RAP1GDS1: variants seen among roughly 807,000 people sequenced by gnomAD.
RAP1GDS1 encodes the protein RAP1, GTP-GDP dissociation stimulator 1.
Under a neutral mutation model 71.1 loss-of-function variants are expected in RAP1GDS1, and 35 were observed. The ratio of observed to expected loss-of-function variants is 0.49; its 90% CI spans 0.38 to 0.65. RAP1GDS1 has a LOEUF of 0.65. Ranked by LOEUF, RAP1GDS1 falls within the 30% of genes least tolerant of loss-of-function variation. The pLI is 0.00. For synonymous variants in RAP1GDS1, 229 were observed against 243.1 expected (o/e 0.94, Z 0.54); for missense variants, 663 against 706.1 (o/e 0.94, Z 0.69).
chr4:98,393,016 C>T (rs9998801), intron 6 of RAP1GDS1, among the ~76,000 whole-genome samples: 8,771 of 152,136 alleles, frequency 0.058, 643 homozygotes, highest in African/African-American at 0.17. Context: ...TTCTTCCCCA[C>T]GCCCCCACCT....
chr4:98,373,796 C>G (rs1740755572), intron 4 of RAP1GDS1, among the ~76,000 whole-genome samples: 1 of 152,130 alleles, frequency 6.6e-6, no homozygotes, highest in East Asian at 1.9e-4. Flanking sequence ...ACAGTTATAG[C>G]CATATGTCAG....
chr4:98,366,345 G>C (rs943773069), intron 4 of RAP1GDS1, among the ~76,000 whole-genome samples: 3 of 152,158 alleles, frequency 2.0e-5, no homozygotes, highest in Non-Finnish European at 4.4e-5. Context: ...CCATGATTGT[G>C]AGGCTTTCCC....
chr4:98,344,929 A>G (rs1414779756), intron 3 of RAP1GDS1, among the ~76,000 whole-genome samples: 1 of 152,166 alleles, frequency 6.6e-6, no homozygotes, highest in Admixed American at 6.5e-5. Context: ...GGGTCAAGCA[A>G]TCCTCCTATC....
chr4:98,414,653 G>A (rs1747639829), intron 7 of RAP1GDS1, among the ~76,000 whole-genome samples: 1 of 149,878 alleles, frequency 6.7e-6, no homozygotes, highest in South Asian at 2.1e-4. Context: ...GTAGTGTGAT[G>A]CCTCCAGCTT....
At chr4:98,415,923 A>G (rs1005780213) in intron 7 of RAP1GDS1, among the ~76,000 whole-genome samples, 4 of 152,122 alleles carry the variant, frequency 2.6e-5, no homozygotes, top group African/African-American at 7.2e-5. Context: ...TTATTTATTT[A>G]TTTAATTTTT....
At chr4:98,417,985 CA>C (rs1366841121) in intron 9 of RAP1GDS1, among the ~76,000 whole-genome samples, 1 of 152,020 alleles carries the variant, frequency 6.6e-6, no homozygotes, top group East Asian at 1.9e-4. Context: ...CTGGCACTAC[CA>C]AAAAACTCAA....
At chr4:98,388,938 ATGT>A (rs1175673821) in intron 5 of RAP1GDS1, among the ~76,000 whole-genome samples, 5 of 141,272 alleles carry the variant, frequency 3.5e-5, no homozygotes, top group East Asian at 1.9e-4. Context: ...AACCTATTAT[ATGT>A]TAACAGAAAT....
intron 2 of RAP1GDS1, among the ~76,000 whole-genome samples, chr4:98,320,313 T>C (rs1731625333): frequency 6.6e-6 from 1 of 152,180 alleles, no homozygotes; most frequent in South Asian, 2.1e-4. Context: ...CTAAAGTATG[T>C]TTCTCTTTTT....
rs1743875027 is a variant in RAP1GDS1 at position 98,392,579 on chromosome 4, TA to T, written c.637+500del. On this transcript the variant is annotated intron_variant, in intron 6 of 14. Coordinates refer to ENST00000408927, the MANE Select transcript of RAP1GDS1 (RefSeq NM_001100427.2). The stretch of plus-strand genomic sequence containing the variant: ...AGCTGGGTGTGGTGGCTAGTGCCAG[TA>T]GTCCTAGCTACTCAGGAGACCGAGG... 7.9e-5 allele frequency among the ~76,000 whole-genome samples: 12 copies of T among 152,268 alleles called. No homozygotes were observed. In the South Asian group the frequency reaches 2.5e-3, roughly 32 times the overall value.
At chr4:98,433,892 G>A in intron 12 of RAP1GDS1, 44 bp from the exon 13 acceptor site, 1 of 1,543,200 alleles carries the variant, frequency 6.5e-7, no homozygotes, top group Non-Finnish European at 8.9e-7. Flanking sequence ...TGTTCCTTAT[G>A]TTTAAAATTA....
chr4:98,296,684 G>A (rs957717673), intron 2 of RAP1GDS1, among the ~76,000 whole-genome samples: 1 of 152,090 alleles, frequency 6.6e-6, no homozygotes, highest in Non-Finnish European at 1.5e-5. Flanking sequence ...AAGATTCTCA[G>A]TAAATGCTTA....
intron 5 of RAP1GDS1, among the ~76,000 whole-genome samples, chr4:98,389,528 T>C (rs552456729): frequency 1.3e-4 from 20 of 152,260 alleles, no homozygotes; most frequent in Middle Eastern, 6.8e-3. Flanking sequence ...GTGTGTTGTA[T>C]GTGAGTATAT....
intron 2 of RAP1GDS1, among the ~76,000 whole-genome samples, chr4:98,324,916 C>G (rs1423791370): frequency 4.6e-5 from 7 of 152,238 alleles, no homozygotes; most frequent in African/African-American, 9.6e-5. Flanking sequence ...CCAAAATTGA[C>G]AAATGGGATC....
intron 4 of RAP1GDS1, among the ~76,000 whole-genome samples, chr4:98,357,740 A>G (rs1304213935): frequency 3.9e-5 from 6 of 151,944 alleles, no homozygotes; most frequent in African/African-American, 1.4e-4. Context: ...TTGTTTACAA[A>G]TTAATATAAT....
In RAP1GDS1 at chr4:98,436,828, T is replaced by C. The variant is rs6856592; in HGVS notation, c.1568-112T>C. On this transcript the variant is annotated intron_variant, in intron 13 of 14. Transcript: ENST00000408927. ...TATTATTTTTCTAGGTCATTATTAT[T>C]TATCAGTTCCATTTAGAAGGTTTCG... 1,237 of 1,034,692 alleles carry C rather than the reference T, an allele frequency of 1.2e-3. 6 individuals are homozygous for C. The African/African-American group carries it at 0.018, about 15-fold the overall frequency. 64.1% of individuals were successfully genotyped at this position (1,034,692 alleles called of 1,614,324 possible). A position where few individuals can be genotyped will look rare whatever the true frequency, so the allele number is the denominator to read the frequency against.
intron 2 of RAP1GDS1, among the ~76,000 whole-genome samples, chr4:98,331,786 A>G (rs146265060): frequency 7.2e-4 from 110 of 152,318 alleles, no homozygotes; most frequent in Non-Finnish European, 1.3e-3. Context: ...AAAAAATCTT[A>G]ATTTAGAATT....
chr4:98,288,151 A>G lies in RAP1GDS1; in HGVS notation c.5-5257A>G, dbSNP rs544865669. Reference sequence around the variant, plus strand: ...ACCCATTAACTCGTCATTTAACAATAGGTATATCTCCTAATGCTATCCCTC... The same window carrying G: ...ACCCATTAACTCGTCATTTAACAATGGGTATATCTCCTAATGCTATCCCTC... On this transcript the variant is annotated intron_variant, in intron 1 of 14. Transcript: ENST00000408927. Among the ~76,000 whole-genome samples, 3 of 152,206 alleles carry G rather than the reference A, an allele frequency of 2.0e-5. No individual in the cohort carries two copies. In the South Asian group the frequency reaches 6.2e-4, roughly 32 times the overall value.
intron 2 of RAP1GDS1, among the ~76,000 whole-genome samples, chr4:98,323,287 A>G (rs975297977): frequency 2.0e-5 from 3 of 147,344 alleles, no homozygotes; most frequent in Admixed American, 2.0e-4. Context: ...TCAATAGTTT[A>G]CCAACCAAAA....
chr4:98,387,403 A>G (rs1023501538), intron 5 of RAP1GDS1: 6 of 454,346 alleles, frequency 1.3e-5, no homozygotes, highest in Middle Eastern at 3.2e-4. Context: ...CTCAGGGGGG[A>G]AAAGGTTCCT....
Sources: gnomAD v4.1 joint callset for allele counts (sites outside exome capture counted in the v4.1 genomes callset) on GRCh38, gnomAD v4.1.1 for gene constraint, MANE v1.5 for transcripts, NCBI Gene and HGNC (gene_info 2026-07-23, HGNC 2026-07-21) for gene names.